The following OR56A4 variants were observed in gnomAD, a reference collection of about 807,000 sequenced individuals.
OR56A4 encodes olfactory receptor 56A4.
In OR56A4, 9 loss-of-function variants were observed where a neutral mutation model predicts 13.6. That is an observed-to-expected ratio of 0.66 (90% CI 0.40 to 1.15). The LOEUF (loss-of-function observed/expected upper bound fraction) is 1.15, where lower values mean the gene tolerates loss of function less well. Among genes scored for constraint, OR56A4 ranks in the 50% most tolerant of loss-of-function variants. The pLI, the probability that OR56A4 is intolerant of heterozygous loss-of-function variation, is 0.01. For synonymous variants in OR56A4, 167 were observed against 153.9 expected (o/e 1.08, Z -0.63); for missense variants, 380 against 375.9 (o/e 1.01, Z -0.09).
chr11:6,004,792 A>G (rs1432290875), intron 2 of OR56A4, among the ~76,000 whole-genome samples: 3 of 152,202 alleles, frequency 2.0e-5, no homozygotes, highest in Non-Finnish European at 4.4e-5. Flanking sequence ...AATCTCAAGT[A>G]TAGCTACTCT....
At chr11:6,003,077 C>CTGGAAAATGAG (rs763089460) in intron 2 of OR56A4, 49 bp from the exon 3 acceptor site, 6 of 1,607,632 alleles carry the variant, frequency 3.7e-6, no homozygotes, top group South Asian at 2.2e-5. Context: ...ACATTCTAGA[C>CTGGAAAATGAG]GTAGTAGAGT....
At chr11:6,004,639 GGA>G (rs1848243888) in intron 2 of OR56A4, among the ~76,000 whole-genome samples, 4 of 152,204 alleles carry the variant, frequency 2.6e-5, no homozygotes, top group Admixed American at 2.6e-4. Context: ...CAAGAATTCA[GGA>G]GTTAAAACTG....
In OR56A4 at chr11:6,001,407, T is replaced by C. The variant is rs1254904419; in HGVS notation, c.*644A>G. The C allele has an allele frequency of 1.3e-5, 2 of 152,084 alleles. No individual in the cohort carries two copies. Among genetic ancestry groups the C allele is most frequent in the Admixed American group, 6.5e-5 (1 of 15,272 alleles). The allele number at this position is 152,084 out of a possible 1,614,324, so 9.4% of individuals were successfully genotyped here. On this transcript the variant is annotated 3_prime_UTR_variant, in exon 3 of 3. Transcript: ENST00000641156. ...CAAACCAAAAACTGAAGAAAGAAAA[T>C]CTAAGTAGAGAGAAAGAATAGAAAA...
intron 1 of OR56A4, 93 bp from the exon 2 acceptor site, chr11:6,006,496 G>T (rs1371523065): frequency 6.6e-6 from 1 of 152,172 alleles, no homozygotes; most frequent in African/African-American, 2.4e-5. Context: ...TAACAGTCTG[G>T]AAAAGTCAGA....
chr11:6,002,871 G>A lies in OR56A4; in HGVS notation c.122C>T (p.Ala41Val). The change falls in exon 3 of 3, where the codon GCC becomes GTC. Residue 41 changes from alanine (A) to valine (V), a missense_variant. Coordinates refer to ENST00000641156, the MANE Select transcript of OR56A4 (RefSeq NM_001005179.4). Reference sequence around the variant, plus strand: ...CAGGAGGGTGGTGTTAGCTCCCATGGCCAGGAGGAAGAGAAGGCTGAGGGG... The same window carrying A: ...CAGGAGGGTGGTGTTAGCTCCCATGACCAGGAGGAAGAGAAGGCTGAGGGG... ...SLPLSLLFLL[A>V]MGANTTLLIT... The A allele has an allele frequency of 6.2e-7, 1 of 1,614,060 alleles. No homozygotes were observed. The highest frequency in any genetic ancestry group is 8.5e-7 in the Non-Finnish European group (1 of 1,179,982).
At chr11:6,003,232 T>C in intron 2 of OR56A4, 1 of 815,588 alleles carries the variant, frequency 1.2e-6, no homozygotes. Flanking sequence ...TTTTAAAAAA[T>C]ACTAAGGAGT....
chr11:6,004,963 C>A (rs888325554), intron 2 of OR56A4, among the ~76,000 whole-genome samples: 1 of 152,116 alleles, frequency 6.6e-6, no homozygotes, highest in Non-Finnish European at 1.5e-5. Context: ...ATTTATAGTG[C>A]AATACAGTTG....
At chr11:6,006,032 C>A (rs1180599577) in intron 2 of OR56A4, among the ~76,000 whole-genome samples, 2 of 152,070 alleles carry the variant, frequency 1.3e-5, no homozygotes, top group Non-Finnish European at 2.9e-5. Context: ...AAAGTAATAA[C>A]CATGTAAATG....
Position 6,002,758 on chromosome 11 carries a change from T to A in OR56A4, c.235A>T (p.Thr79Ser). The A allele has an allele frequency of 6.2e-7, 1 of 1,614,022 alleles. No individual in the cohort carries two copies. The highest frequency in any genetic ancestry group is 8.5e-7 in the Non-Finnish European group (1 of 1,180,000). ...LSLLDIVLCLTVIPKVLAIFW... is the reference protein window; with the variant it reads ...LSLLDIVLCLSVIPKVLAIFW... ...ATGGCCAGGACCTTGGGGATGACGG[T>A]GAGGCAGAGCACGATGTCCAGCAGG... Residue 79 changes from threonine to serine, a missense_variant, in exon 3 of 3, where the codon ACC (threonine) becomes TCC (serine). Transcript: ENST00000641156.
chr11:6,004,593 A>T (rs998567811), intron 2 of OR56A4, among the ~76,000 whole-genome samples: 44 of 152,204 alleles, frequency 2.9e-4, no homozygotes, highest in African/African-American at 9.7e-4. Flanking sequence ...TACATTATTT[A>T]AAAAAATTTA....
chr11:6,002,134 G>C lies in OR56A4; in HGVS notation c.859C>G (p.Pro287Ala), dbSNP rs566437901. Reference sequence around the variant, plus strand: ...TAAACAATGGGGTTCAGAGCTGGGGGAATGAGGTGGTGCAGGATGTTGAGC... The same window carrying C: ...TAAACAATGGGGTTCAGAGCTGGGGCAATGAGGTGGTGCAGGATGTTGAGC... ...ILLNILHHLI[P>A]PALNPIVYGV... Residue 287 changes from proline (P) to alanine (A), a missense_variant, in exon 3 of 3, where the codon CCC becomes GCC. Coordinates refer to ENST00000641156, the MANE Select transcript of OR56A4 (RefSeq NM_001005179.4). The C allele has an allele frequency of 6.2e-7, 1 of 1,614,138 alleles. No individual in the cohort carries two copies. The highest frequency in any genetic ancestry group is 8.5e-7 in the Non-Finnish European group (1 of 1,180,012).
Position 6,002,137 on chromosome 11 carries a change from T to G in OR56A4, c.856A>C (p.Ile286Leu). 6.2e-7 allele frequency: 1 copy of G among 1,614,128 alleles called. No homozygotes were observed. The highest frequency in any genetic ancestry group is 8.5e-7 in the Non-Finnish European group (1 of 1,180,008). ...ACAATGGGGTTCAGAGCTGGGGGAA[T>G]GAGGTGGTGCAGGATGTTGAGCAGG... is the stretch of plus-strand genomic sequence containing the variant. ...PILLNILHHL[I>L]PPALNPIVYG... Residue 286 changes from isoleucine to leucine, a missense_variant, in exon 3 of 3, where the codon ATT becomes CTT. By Grantham distance (5) the Ile-to-Leu change is conservative. Transcript: ENST00000641156.
In OR56A4 at chr11:6,003,030, T is replaced by C; in HGVS notation, c.-36-2A>G. On this transcript the variant is annotated splice_acceptor_variant, in intron 2 of 2. Coordinates refer to ENST00000641156, the MANE Select transcript of OR56A4 (RefSeq NM_001005179.4). LOFTEE classifies it low-confidence loss of function (5UTR_SPLICE). ...GATCAATCTGGAGACCCAGTGTACC[T>C]TAAAACGTAGTAGAGAAGTACAGAA... 6.2e-7 allele frequency: 1 copy of C among 1,614,146 alleles called. No individual in the cohort carries two copies. The highest frequency in any genetic ancestry group is 8.5e-7 in the Non-Finnish European group (1 of 1,179,986).
At chr11:6,004,134 A>C (rs967022862) in intron 2 of OR56A4, among the ~76,000 whole-genome samples, 34 of 152,132 alleles carry the variant, frequency 2.2e-4, no homozygotes, top group African/African-American at 8.2e-4. Flanking sequence ...GAGGCAGATC[A>C]TGAGGTCAGG....
chr11:6,005,221 T>C (rs1465478051), intron 2 of OR56A4, among the ~76,000 whole-genome samples: 1 of 152,164 alleles, frequency 6.6e-6, no homozygotes, highest in Non-Finnish European at 1.5e-5. Flanking sequence ...TCTGAAGTTC[T>C]GTTAGGTCAA....
intron 2 of OR56A4, among the ~76,000 whole-genome samples, chr11:6,005,352 T>C (rs1848249536): frequency 6.6e-6 from 1 of 152,156 alleles, no homozygotes; most frequent in African/African-American, 2.4e-5. Flanking sequence ...TCATGGATGT[T>C]AAGTAATGAC....
chr11:6,000,637 C>G lies in OR56A4; in HGVS notation c.*1414G>C, dbSNP rs1416583328. 1.3e-5 allele frequency: 2 copies of G among 151,892 alleles called. No homozygotes were observed. Among genetic ancestry groups the G allele is most frequent in the Non-Finnish European group, 2.9e-5 (2 of 67,976 alleles). The allele number at this position is 151,892 out of a possible 1,614,324, so 9.4% of individuals were successfully genotyped here. A position where few individuals can be genotyped will look rare whatever the true frequency, so the allele number is the denominator to read the frequency against. On this transcript the variant is annotated 3_prime_UTR_variant, in exon 3 of 3. Transcript: ENST00000641156. Reference sequence around the variant, plus strand: ...ATAAAAAAATAAAAAATAAAAAAACCTGGTAGGAAAGATGGGGTTTGGCAA... The same window carrying G: ...ATAAAAAAATAAAAAATAAAAAAACGTGGTAGGAAAGATGGGGTTTGGCAA...
rs932626916 is a variant in OR56A4, at chr11:6,001,487, T to A, written c.*564A>T. 5 of 152,196 alleles carry A rather than the reference T, an allele frequency of 3.3e-5. No homozygotes were observed. Among genetic ancestry groups the A allele is most frequent in the African/African-American group, 1.2e-4 (5 of 41,398 alleles). The allele number at this position is 152,196 out of a possible 1,614,324, so 9.4% of individuals were successfully genotyped here. On this transcript the variant is annotated 3_prime_UTR_variant, in exon 3 of 3. Transcript: ENST00000641156. ...AATATCTTAATTGGGTCTAGGAGAA[T>A]TTTAGGAGCCAGTGAATAGCACATC...
chr11:6,003,321 C>T (rs11040254), intron 2 of OR56A4: 118,050 of 485,108 alleles, frequency 0.24, 16,095 homozygotes, highest in Admixed American at 0.34. Context: ...TCTACCACCA[C>T]GCAGTTTAAA....
Sources: gnomAD v4.1 joint callset for allele counts (sites outside exome capture counted in the v4.1 genomes callset) on GRCh38, gnomAD v4.1.1 for gene constraint, MANE v1.5 for transcripts, NCBI Gene and HGNC (gene_info 2026-07-23, HGNC 2026-07-21) for gene names.